DLG2: variants seen among roughly 807,000 people sequenced by gnomAD.
The protein encoded by DLG2 is disks large homolog 2.
DLG2 carries 45 observed loss-of-function variants against 132.5 expected under a neutral mutation model. The observed-to-expected ratio is 0.34, with a 90% CI of 0.27 to 0.44. The LOEUF (loss-of-function observed/expected upper bound fraction) is 0.44, where lower values mean the gene tolerates loss of function less well. Among genes scored for constraint, DLG2 ranks in the 20% least tolerant of loss-of-function variants. DLG2 has a pLI of 1.00. For missense variants in DLG2, 1,045 were observed against 1,196.9 expected (o/e 0.87, Z 1.87); for synonymous variants, 424 against 419.6 (o/e 1.01, Z -0.13).
intron 6 of DLG2, among the ~76,000 whole-genome samples, chr11:84,957,104 G>A (rs1815467515): frequency 6.6e-6 from 1 of 152,168 alleles, no homozygotes; most frequent in Non-Finnish European, 1.5e-5. Flanking sequence ...CCTTAGGGGA[G>A]AGATACAACT....
chr11:84,216,577 T>C (rs982384594), intron 8 of DLG2, among the ~76,000 whole-genome samples: 9 of 152,170 alleles, frequency 5.9e-5, no homozygotes, highest in Non-Finnish European at 1.2e-4. Context: ...GAGAAAGTTA[T>C]AAAGAATAAG....
At chr11:84,953,182 G>A (rs941152621) in intron 6 of DLG2, among the ~76,000 whole-genome samples, 1 of 152,080 alleles carries the variant, frequency 6.6e-6, no homozygotes, top group Non-Finnish European at 1.5e-5. Context: ...GTCATTTTCT[G>A]AGGTGGAATT....
rs376138171 is a variant in DLG2, at chr11:84,252,285, G to A, written c.520-994C>T. ...TCTGTCTCATCCTCCCGAGTAGCTG[G>A]AACTACAGGCATGTGCCACCATGCC... is the stretch of plus-strand genomic sequence containing the variant. On this transcript the variant is annotated intron_variant, in intron 7 of 27. Coordinates refer to ENST00000376104, the MANE Select transcript of DLG2 (RefSeq NM_001142699.3). 3.1e-3 allele frequency among the ~76,000 whole-genome samples: 474 copies of A among 151,002 alleles called. 3 individuals are homozygous for A. Among genetic ancestry groups the A allele is most frequent in the Middle Eastern group, 0.024 (7 of 292 alleles).
At chr11:85,482,619 G>C (rs1028219323) in intron 3 of DLG2, among the ~76,000 whole-genome samples, 2 of 152,286 alleles carry the variant, frequency 1.3e-5, no homozygotes, top group African/African-American at 4.8e-5. Flanking sequence ...AGCAGGCACA[G>C]GCTCCAGACC....
chr11:83,643,013 C>T (rs979728740), intron 18 of DLG2, among the ~76,000 whole-genome samples: 1 of 152,064 alleles, frequency 6.6e-6, no homozygotes, highest in Non-Finnish European at 1.5e-5. Context: ...GCTTTATATT[C>T]CCTGTCTATA....
chr11:84,665,993 C>A (rs1297478859), intron 6 of DLG2, among the ~76,000 whole-genome samples: 1 of 152,168 alleles, frequency 6.6e-6, no homozygotes, highest in East Asian at 1.9e-4. Context: ...TCGCCTTCAC[C>A]TGTAGAACAA....
intron 16 of DLG2, among the ~76,000 whole-genome samples, chr11:83,838,470 G>A (rs1324837512): frequency 2.6e-5 from 4 of 152,152 alleles, no homozygotes; most frequent in African/African-American, 9.7e-5. Flanking sequence ...GCAGGATTAA[G>A]GACATAGATT....
At chr11:85,208,207 G>C (rs2152564084) in intron 4 of DLG2, among the ~76,000 whole-genome samples, 1 of 152,192 alleles carries the variant, frequency 6.6e-6, no homozygotes, top group South Asian at 2.1e-4. Flanking sequence ...AATCAACAAA[G>C]CAGGAATGGA....
chr11:84,214,298 AATAT>A (rs1170747640), intron 8 of DLG2, among the ~76,000 whole-genome samples: 1 of 135,416 alleles, frequency 7.4e-6, no homozygotes, highest in African/African-American at 3.5e-5. Flanking sequence ...TATATGAGAG[AATAT>A]ATATTTCTAT....
chr11:83,945,934 G>GTCCTTCCTTCCTTCCTTCCTTCCTTCCT (rs760832594), intron 14 of DLG2, among the ~76,000 whole-genome samples: 19 of 136,024 alleles, frequency 1.4e-4, no homozygotes, highest in Non-Finnish European at 2.2e-4. Flanking sequence ...CCTTCCTTCC[G>GTCCTTCCTTCCTTCCTTCCTTCCTTCCT]TCCTTCCTTC....
At chr11:84,311,951 C>G (rs1567253400) in intron 7 of DLG2, among the ~76,000 whole-genome samples, 1 of 152,194 alleles carries the variant, frequency 6.6e-6, no homozygotes, top group Non-Finnish European at 1.5e-5. Flanking sequence ...TTAATTCCGT[C>G]AAAGTATCAC....
intron 6 of DLG2, among the ~76,000 whole-genome samples, chr11:85,071,932 C>G (rs1308955287): frequency 6.6e-6 from 1 of 151,840 alleles, no homozygotes; most frequent in Non-Finnish European, 1.5e-5. Flanking sequence ...TTTATGCAAT[C>G]TACCAAACAG....
chr11:85,071,627 T>C (rs769245340), intron 6 of DLG2, among the ~76,000 whole-genome samples: 1 of 151,774 alleles, frequency 6.6e-6, no homozygotes, highest in Non-Finnish European at 1.5e-5. Context: ...ATAAACTTTA[T>C]GACAGCCAAC....
chr11:84,172,284 T>G (rs985273468), intron 8 of DLG2, among the ~76,000 whole-genome samples: 1 of 152,134 alleles, frequency 6.6e-6, no homozygotes, highest in African/African-American at 2.4e-5. Flanking sequence ...CATTATTCCT[T>G]TCTTTAAATA....
At chr11:84,564,977 C>G (rs2099446300) in intron 6 of DLG2, among the ~76,000 whole-genome samples, 1 of 152,118 alleles carries the variant, frequency 6.6e-6, no homozygotes, top group Admixed American at 6.6e-5. Flanking sequence ...TTTAAAGACA[C>G]CTACAGGTAG....
chr11:84,145,457 CAT>C (rs1277172025), intron 9 of DLG2, among the ~76,000 whole-genome samples: 1 of 152,060 alleles, frequency 6.6e-6, no homozygotes, highest in Non-Finnish European at 1.5e-5. Context: ...TGTATCCAAA[CAT>C]AGAAAAGTTA....
At chr11:84,678,280 CCTTAA>C (rs1490211882) in intron 6 of DLG2, among the ~76,000 whole-genome samples, 2 of 151,994 alleles carry the variant, frequency 1.3e-5, no homozygotes, top group Non-Finnish European at 2.9e-5. Flanking sequence ...TTCTGTTTAG[CCTTAA>C]CTTTTTTCAC....
chr11:83,942,273 CTATG>C (rs2082830308), intron 14 of DLG2, among the ~76,000 whole-genome samples: 1 of 151,824 alleles, frequency 6.6e-6, no homozygotes, highest in Non-Finnish European at 1.5e-5. Context: ...AAAAACTTTC[CTATG>C]TAAGTAAATT....
chr11:83,913,226 G>C (rs790358), intron 15 of DLG2, among the ~76,000 whole-genome samples: 91,678 of 151,928 alleles, frequency 0.6, 28,210 homozygotes, highest in East Asian at 0.88. Flanking sequence ...TATGGTCTCT[G>C]TTAGATTGGG....
Sources: gnomAD v4.1 joint callset for allele counts (sites outside exome capture counted in the v4.1 genomes callset) on GRCh38, gnomAD v4.1.1 for gene constraint, MANE v1.5 for transcripts, NCBI Gene and HGNC (gene_info 2026-07-23, HGNC 2026-07-21) for gene names.